Variants in PCDHGB2 observed in about 807,000 individuals in gnomAD.
PCDHGB2 encodes the protein protocadherin gamma subfamily B, 2.
PCDHGB2 carries 55 observed loss-of-function variants against 59.3 expected under a neutral mutation model. That is an observed-to-expected ratio of 0.93 (90% confidence interval 0.75 to 1.16). The LOEUF (loss-of-function observed/expected upper bound fraction) is 1.16. PCDHGB2 is among the 50% of genes most tolerant of loss of function. The probability of loss-of-function intolerance (pLI) is 0.00; values close to 1 mark genes in which losing one functional copy is unlikely to be tolerated. For missense variants in PCDHGB2, 1,228 were observed against 1,198.5 expected (o/e 1.02, Z -0.36); for synonymous variants, 516 against 512.0 (o/e 1.01, Z -0.11).
intron 1 of PCDHGB2, among the ~76,000 whole-genome samples, chr5:141,457,057 C>T (rs1224573005): frequency 6.6e-6 from 1 of 152,182 alleles, no homozygotes; most frequent in Non-Finnish European, 1.5e-5. Flanking sequence ...TTCATGCTTC[C>T]TTTTTGCCAG....
intron 1 of PCDHGB2, among the ~76,000 whole-genome samples, chr5:141,475,518 T>C (rs963473660): frequency 1.3e-5 from 2 of 152,356 alleles, no homozygotes; most frequent in East Asian, 1.9e-4. Flanking sequence ...TCCACGGAAA[T>C]GCTAAATGCC....
At chr5:141,408,556 T>G (rs1215804867) in intron 1 of PCDHGB2, 1 of 1,613,940 alleles carries the variant, frequency 6.2e-7, no homozygotes, top group Non-Finnish European at 8.5e-7. Context: ...ATATTTTTCA[T>G]GTCATTGTGG....
At position 141,375,614 on chromosome 5, in the gene PCDHGB2, A is replaced by C. The variant is rs904386299; in HGVS notation, c.2421+13058A>C. The C allele has an allele frequency of 1.9e-6, 3 of 1,614,060 alleles. No individual in the cohort carries two copies. The highest frequency in any genetic ancestry group is 1.7e-5 in the Admixed American group (1 of 60,008). Reference sequence around the variant, plus strand: ...CTCCTACGTGTCCATCAACTCCGACACTGGGATTCTGTACGCCCTGCGCTC... The same window carrying C: ...CTCCTACGTGTCCATCAACTCCGACCCTGGGATTCTGTACGCCCTGCGCTC... On this transcript the variant is annotated intron_variant, in intron 1 of 3. Transcript: ENST00000522605.
chr5:141,444,800 A>G (rs1294854513), intron 1 of PCDHGB2, among the ~76,000 whole-genome samples: 1 of 152,078 alleles, frequency 6.6e-6, no homozygotes, highest in East Asian at 1.9e-4. Flanking sequence ...CTATTCTTTT[A>G]CTAATAGCAC....
chr5:141,366,104 G>T (rs1764329842), intron 1 of PCDHGB2: 1 of 1,614,250 alleles, frequency 6.2e-7, no homozygotes, highest in Non-Finnish European at 8.5e-7. Context: ...GACCAAGGTG[G>T]TAGCGGTGGA....
At chr5:141,422,219 C>T in intron 1 of PCDHGB2, 1 of 1,564,678 alleles carries the variant, frequency 6.4e-7, no homozygotes, top group Non-Finnish European at 8.6e-7. Context: ...CTCTTTACCA[C>T]CACGACGATG....
chr5:141,367,651 T>C (rs1205375044), intron 1 of PCDHGB2: 1 of 152,174 alleles, frequency 6.6e-6, no homozygotes, highest in Non-Finnish European at 1.5e-5. Context: ...TTAAGCCATG[T>C]AGTTATTGGA....
At position 141,485,222 on chromosome 5, in the gene PCDHGB2, C is replaced by T; in HGVS notation, c.2422-9585C>T. On this transcript the variant is annotated intron_variant, in intron 1 of 3. Transcript: ENST00000522605. The surrounding 1 kb of genome is among the most constrained non-coding windows in gnomAD (Gnocchi z 5.7). The stretch of plus-strand genomic sequence containing the variant: ...GACAGAAATCTGGCGGTGGGCTACC[C>T]TTTTGTTCCTCTTTTACCACCTGGG... 4 of 1,614,196 alleles carry T rather than the reference C, an allele frequency of 2.5e-6. No homozygotes were observed. Among genetic ancestry groups the T allele is most frequent in the Non-Finnish European group, 2.5e-6 (3 of 1,180,020 alleles).
At chr5:141,502,488 T>A (rs1273845698) in intron 2 of PCDHGB2, among the ~76,000 whole-genome samples, 1 of 152,236 alleles carries the variant, frequency 6.6e-6, no homozygotes, top group Non-Finnish European at 1.5e-5. Context: ...ACACTGGGAC[T>A]CATCTAACGT....
At chr5:141,464,682 T>C (rs1442997972) in intron 1 of PCDHGB2, among the ~76,000 whole-genome samples, 1 of 152,132 alleles carries the variant, frequency 6.6e-6, no homozygotes, top group Non-Finnish European at 1.5e-5. Flanking sequence ...TTAATTAAAA[T>C]TTCTCTTATT....
chr5:141,497,374 T>C (rs2099776044), intron 2 of PCDHGB2, among the ~76,000 whole-genome samples: 1 of 152,112 alleles, frequency 6.6e-6, no homozygotes, highest in Non-Finnish European at 1.5e-5. Flanking sequence ...ATGTGTCCTC[T>C]GGGGTGAGCA....
At chr5:141,385,397 A>T (rs1023066700) in intron 1 of PCDHGB2, 2 of 1,492,858 alleles carry the variant, frequency 1.3e-6, no homozygotes, top group Non-Finnish European at 1.8e-6. Flanking sequence ...TGCAAAACAA[A>T]TGTTTTGAAA....
intron 1 of PCDHGB2, among the ~76,000 whole-genome samples, chr5:141,455,406 CAG>C (rs1306843200): frequency 3.3e-5 from 5 of 152,226 alleles, no homozygotes; most frequent in Non-Finnish European, 5.9e-5. Flanking sequence ...CTTACAGAGA[CAG>C]AGGGAGCGGG....
At position 141,423,722 on chromosome 5, in the gene PCDHGB2, G is replaced by A. The variant is rs541297269; in HGVS notation, c.2421+61166G>A. Reference sequence around the variant, plus strand: ...CTTGGCACAAGTCTTTTAAGGAGATGTTTTTTGAGCCTGTTATGAAAACTG... The same window carrying A: ...CTTGGCACAAGTCTTTTAAGGAGATATTTTTTGAGCCTGTTATGAAAACTG... On this transcript the variant is annotated intron_variant, in intron 1 of 3. Coordinates refer to ENST00000522605, the MANE Select transcript of PCDHGB2 (RefSeq NM_018923.3). 5 of 954,184 alleles carry A rather than the reference G, an allele frequency of 5.2e-6. No individual in the cohort carries two copies. In the African/African-American group the frequency reaches 6.3e-5, roughly 12 times the overall value. The allele number at this position is 954,184 out of a possible 1,614,324, so 59.1% of individuals were successfully genotyped here.
chr5:141,507,113 C>G (rs1401559943), intron 3 of PCDHGB2: 1 of 152,220 alleles, frequency 6.6e-6, no homozygotes, highest in Non-Finnish European at 1.5e-5. Context: ...GGGACCATGG[C>G]TGCCTTTGGA....
At chr5:141,375,529 C>G (rs370346410) in intron 1 of PCDHGB2, 1 of 1,614,026 alleles carries the variant, frequency 6.2e-7, no homozygotes, top group African/African-American at 1.3e-5. Context: ...CTGACGTGGA[C>G]CAGAACGCCC....
chr5:141,490,822 C>T lies in PCDHGB2; in HGVS notation c.2422-3985C>T. ...GCGTACCTTTGACTATGAATTGCTG[C>T]AGATGCTGCAGATTGTGGTGGGGGT... On this transcript the variant is annotated intron_variant, in intron 1 of 3. Coordinates refer to ENST00000522605, the MANE Select transcript of PCDHGB2 (RefSeq NM_018923.3). This position sits in a 1 kb window ranked among gnomAD's most constrained non-coding sequence, Gnocchi z 5.4. 2 of 1,613,842 alleles carry T rather than the reference C, an allele frequency of 1.2e-6. No individual in the cohort carries two copies. Among genetic ancestry groups the T allele is most frequent in the Non-Finnish European group, 1.7e-6 (2 of 1,179,790 alleles).
intron 1 of PCDHGB2, among the ~76,000 whole-genome samples, chr5:141,444,152 ATTTTTTTTTTTTTTTTTT>A (rs747671382): frequency 4.1e-4 from 14 of 33,898 alleles, no homozygotes; most frequent in South Asian, 2.1e-3. Flanking sequence ...TGTGTACTGG[ATTTTTTTTTTTTTTTTTT>A]TTTTTTTTTT....
rs761718852 is a variant in PCDHGB2, at chr5:141,432,440, G to A, written c.2422-62367G>A. ...GCTGGACCAGAACGACAATGCGCCCGAGATCCTGTACCCCGCCCTCCCCAC... is the reference window on the plus strand; with the variant it reads ...GCTGGACCAGAACGACAATGCGCCCAAGATCCTGTACCCCGCCCTCCCCAC... On this transcript the variant is annotated intron_variant, in intron 1 of 3. Transcript: ENST00000522605. The surrounding 1 kb of genome is among the most constrained non-coding windows in gnomAD (Gnocchi z 6.0). 1.3e-5 allele frequency: 21 copies of A among 1,614,226 alleles called. No homozygotes were observed. Among genetic ancestry groups the A allele is most frequent in the Non-Finnish European group, 1.6e-5 (19 of 1,180,048 alleles).
Sources: gnomAD v4.1 joint callset for allele counts (sites outside exome capture counted in the v4.1 genomes callset) on GRCh38, gnomAD v4.1.1 for gene constraint, Gnocchi (gnomAD v3.1) non-coding constraint, MANE v1.5 for transcripts, NCBI Gene and HGNC (gene_info 2026-07-23, HGNC 2026-07-21) for gene names.